The following RAB11FIP4 variants were observed in gnomAD, a reference collection of about 807,000 sequenced individuals.
RAB11FIP4 encodes the protein rab11 family-interacting protein 4.
Under a neutral mutation model 74.3 loss-of-function variants are expected in RAB11FIP4, and 23 were observed. That is an observed-to-expected ratio of 0.31 (90% CI 0.22 to 0.44). The LOEUF is 0.44. Ranked by LOEUF, RAB11FIP4 falls within the 20% of genes least tolerant of loss-of-function variation. The pLI is 1.00. For missense variants in RAB11FIP4, 630 were observed against 863.9 expected, an observed-to-expected ratio of 0.73 and a Z score of 3.39; for synonymous variants, 360 against 359.9, an observed-to-expected ratio of 1.00 and a Z score of 0.00.
intron 3 of RAB11FIP4, among the ~76,000 whole-genome samples, chr17:31,449,646 A>G (rs928668908): frequency 5.3e-5 from 8 of 151,996 alleles, no homozygotes; most frequent in African/African-American, 9.7e-5. Context: ...GGTTCAAGCA[A>G]TCCTCCCACC....
intron 1 of RAB11FIP4, among the ~76,000 whole-genome samples, chr17:31,395,206 C>T (rs905332255): frequency 1.3e-5 from 2 of 151,710 alleles, no homozygotes; most frequent in Non-Finnish European, 2.9e-5. Context: ...ATCCATGAGG[C>T]CATAATGAAA....
chr17:31,490,811 C>T (rs1031512412), intron 3 of RAB11FIP4, among the ~76,000 whole-genome samples: 12 of 152,260 alleles, frequency 7.9e-5, no homozygotes, highest in African/African-American at 2.7e-4. Context: ...CCTGCCTCAC[C>T]TTCCCAAAGC....
rs190726730 is a variant in RAB11FIP4, at chr17:31,504,829, A to G, written c.337-12822A>G. ...TAATCAAGGATAATATTCGGTTTCT[A>G]TGTCTCTCAGTTAATCTAGAACAGT... On this transcript the variant is annotated intron_variant, in intron 3 of 14. Coordinates refer to ENST00000621161, the MANE Select transcript of RAB11FIP4 (RefSeq NM_032932.6). Among the ~76,000 whole-genome samples the G allele has an allele frequency of 1.6e-3, 245 of 152,194 alleles. 2 individuals are homozygous for G. Among genetic ancestry groups the G allele is most frequent in the Middle Eastern group, 6.8e-3 (2 of 294 alleles).
At chr17:31,429,634 C>T (rs940003966) in intron 1 of RAB11FIP4, among the ~76,000 whole-genome samples, 2 of 152,168 alleles carry the variant, frequency 1.3e-5, no homozygotes, top group African/African-American at 4.8e-5. Flanking sequence ...GGAGACCAGC[C>T]TGGCCAACAT....
At chr17:31,508,363 C>T (rs9908056) in intron 3 of RAB11FIP4, among the ~76,000 whole-genome samples, 28,641 of 152,240 alleles carry the variant, frequency 0.19, 2,998 homozygotes, top group Middle Eastern at 0.25. Context: ...CACTGATTGT[C>T]CCTAAATGGA....
chr17:31,395,343 G>A (rs953319842), intron 1 of RAB11FIP4, among the ~76,000 whole-genome samples: 4 of 152,166 alleles, frequency 2.6e-5, no homozygotes, highest in African/African-American at 4.8e-5. Context: ...ACGTCCCACC[G>A]TGTAAGCATG....
rs927810552 is a variant in RAB11FIP4 at position 31,533,712 on chromosome 17, C to T, written c.*1980C>T. 1.3e-5 allele frequency: 2 copies of T among 152,340 alleles called. No individual in the cohort carries two copies. The highest frequency in any genetic ancestry group is 1.9e-4 in the East Asian group (1 of 5,184). 9.4% of individuals were successfully genotyped at this position (152,340 alleles called of 1,614,324 possible). A position where few individuals can be genotyped will look rare whatever the true frequency, so the allele number is the denominator to read the frequency against. On this transcript the variant is annotated 3_prime_UTR_variant, in exon 15 of 15. Transcript: ENST00000621161. ...GAGGCCTGGGTTACACAGCCTGAGTCACAACGTGGGAAGGAATCTCTGCCA... is the reference window on the plus strand; with the variant it reads ...GAGGCCTGGGTTACACAGCCTGAGTTACAACGTGGGAAGGAATCTCTGCCA...
intron 3 of RAB11FIP4, among the ~76,000 whole-genome samples, chr17:31,467,668 A>T (rs1344516818): frequency 6.6e-6 from 1 of 151,976 alleles, no homozygotes; most frequent in Non-Finnish European, 1.5e-5. Context: ...TGCTCTGAGG[A>T]CTGAGGGACT....
chr17:31,426,599 CTTTTTT>C (rs59839758), intron 1 of RAB11FIP4, among the ~76,000 whole-genome samples: 19 of 122,062 alleles, frequency 1.6e-4, no homozygotes, highest in South Asian at 2.5e-4. Flanking sequence ...TTTTCTTTTC[CTTTTTT>C]TTTTTTTTTT....
intron 1 of RAB11FIP4, among the ~76,000 whole-genome samples, chr17:31,402,224 TCCATCCAC>T (rs1305287690): frequency 2.8e-4 from 35 of 126,000 alleles, no homozygotes; most frequent in Admixed American, 1.1e-3. Context: ...CATCCATCCA[TCCATCCAC>T]CCACCATCTA....
chr17:31,394,228 C>A (rs990088958), intron 1 of RAB11FIP4, among the ~76,000 whole-genome samples: 1 of 152,202 alleles, frequency 6.6e-6, no homozygotes, highest in Non-Finnish European at 1.5e-5. Flanking sequence ...TTCTGTCAGA[C>A]CTTTCCAGAG....
rs2151627758 is a variant in RAB11FIP4, at chr17:31,431,882, G to A, written c.229G>A (p.Gly77Arg). 6.2e-7 allele frequency: 1 copy of A among 1,613,020 alleles called. No individual in the cohort carries two copies. Among genetic ancestry groups the A allele is most frequent in the Non-Finnish European group, 8.5e-7 (1 of 1,179,372 alleles). The stretch of plus-strand genomic sequence containing the variant: ...AATCAACTTCAAGGACTTTTGCCGG[G>A]GGGTGTTCGCCATGAAAGGTGAGGT... ...GRINFKDFCR[G>R]VFAMKGCEEL... Residue 77 changes from glycine (G) to arginine (R), a missense_variant, in exon 2 of 15, where the codon GGG becomes AGG. By Grantham distance (125) the Gly-to-Arg change is moderately radical. Coordinates refer to ENST00000621161, the MANE Select transcript of RAB11FIP4 (RefSeq NM_032932.6).
At chr17:31,503,718 G>C (rs1057128410) in intron 3 of RAB11FIP4, among the ~76,000 whole-genome samples, 9 of 149,870 alleles carry the variant, frequency 6.0e-5, no homozygotes, top group Admixed American at 2.6e-4. Context: ...ACTGCTCGTC[G>C]TTCTGTTCTC....
intron 3 of RAB11FIP4, among the ~76,000 whole-genome samples, chr17:31,499,682 T>G (rs570455549): frequency 6.6e-6 from 1 of 151,978 alleles, no homozygotes; most frequent in Non-Finnish European, 1.5e-5. Flanking sequence ...AGGAGGAAAA[T>G]GATAATTACT....
intron 3 of RAB11FIP4, among the ~76,000 whole-genome samples, chr17:31,470,147 A>C (rs552082289): frequency 3.9e-5 from 6 of 152,106 alleles, no homozygotes; most frequent in Non-Finnish European, 5.9e-5. Context: ...GCTGCTTCTG[A>C]GACCCATCCC....
chr17:31,488,124 G>A (rs2142746941), intron 3 of RAB11FIP4: 1 of 1,031,128 alleles, frequency 9.7e-7, no homozygotes, highest in South Asian at 4.6e-5. Flanking sequence ...GCCCAGAAGT[G>A]CGAGCGGCAG....
rs77226443 is a variant in RAB11FIP4 at position 31,440,383 on chromosome 17, T to A, written c.336+6261T>A. ...GGTCTGTTATATTGATCTGTTTGTCTACCTACTTTTAAGCCAAAACCATAG... is the reference window on the plus strand; with the variant it reads ...GGTCTGTTATATTGATCTGTTTGTCAACCTACTTTTAAGCCAAAACCATAG... On this transcript the variant is annotated intron_variant, in intron 3 of 14. Coordinates refer to ENST00000621161, the MANE Select transcript of RAB11FIP4 (RefSeq NM_032932.6). Among the ~76,000 whole-genome samples, 331 of 152,360 alleles carry A rather than the reference T, an allele frequency of 2.2e-3. 1 individual carries two copies. The highest frequency in any genetic ancestry group is 7.4e-3 in the African/African-American group (308 of 41,588).
At position 31,531,791 on chromosome 17, in the gene RAB11FIP4, C is replaced by T. The variant is rs889181495; in HGVS notation, c.*59C>T. On this transcript the variant is annotated 3_prime_UTR_variant, in exon 15 of 15. Coordinates refer to ENST00000621161, the MANE Select transcript of RAB11FIP4 (RefSeq NM_032932.6). Reference sequence around the variant, plus strand: ...CCTGGGACCAAGGGCAGACCCTGCCCAAGGATGCAGGCCTAAGCCGGGCCT... The same window carrying T: ...CCTGGGACCAAGGGCAGACCCTGCCTAAGGATGCAGGCCTAAGCCGGGCCT... 4 of 1,152,490 alleles carry T rather than the reference C, an allele frequency of 3.5e-6. No individual in the cohort carries two copies. The highest frequency in any genetic ancestry group is 1.3e-6 in the Non-Finnish European group (1 of 767,002). 71.4% of individuals were successfully genotyped at this position (1,152,490 alleles called of 1,614,324 possible). A position where few individuals can be genotyped will look rare whatever the true frequency, so the allele number is the denominator to read the frequency against.
intron 3 of RAB11FIP4, among the ~76,000 whole-genome samples, chr17:31,447,802 C>G (rs2071482083): frequency 6.6e-6 from 1 of 152,180 alleles, no homozygotes; most frequent in Non-Finnish European, 1.5e-5. Context: ...GGATTACAGG[C>G]ACAAGCCACC....
Sources: allele counts gnomAD v4.1 joint callset (sites outside exome capture counted in the v4.1 genomes callset), GRCh38; gene constraint gnomAD v4.1.1; transcripts MANE v1.5; gene names NCBI Gene and HGNC (gene_info 2026-07-23, HGNC 2026-07-21).